The following EPM2A variants were observed in gnomAD, a reference collection of about 807,000 sequenced individuals.
EPM2A encodes laforin.
Under a neutral mutation model 26.5 loss-of-function variants are expected in EPM2A, and 21 were observed. The ratio of observed to expected loss-of-function variants is 0.79; its 90% CI spans 0.56 to 1.14. EPM2A has a LOEUF of 1.14. Ranked by LOEUF, EPM2A falls within the 50% of genes most tolerant of loss-of-function variation. EPM2A has a pLI of 0.00. For synonymous variants in EPM2A, 217 were observed against 177.6 expected (o/e 1.22, Z -1.76); for missense variants, 458 against 440.8 (o/e 1.04, Z -0.35).
chr6:145,470,213 G>A (rs1243023539), intron 4 of EPM2A, among the ~76,000 whole-genome samples: 3 of 151,988 alleles, frequency 2.0e-5, no homozygotes, highest in South Asian at 2.1e-4. Context: ...ATATGTTTGA[G>A]GTGATGGATA....
At chr6:145,632,156 A>C (rs1776310985) in intron 3 of EPM2A, 1 of 152,204 alleles carries the variant, frequency 6.6e-6, no homozygotes, top group African/African-American at 2.4e-5. Context: ...TAATGCAGGA[A>C]CTAGCCTGCC....
chr6:145,395,058 C>T (rs954749490), intron 4 of EPM2A, among the ~76,000 whole-genome samples: 2 of 152,098 alleles, frequency 1.3e-5, no homozygotes, highest in Non-Finnish European at 2.9e-5. Context: ...TTAAGTTTCA[C>T]AGACATCTAT....
chr6:145,505,173 C>T (rs1227624416), intron 2 of EPM2A, among the ~76,000 whole-genome samples: 1 of 148,264 alleles, frequency 6.7e-6, no homozygotes, highest in East Asian at 2.0e-4. Context: ...TGCAGTGCAC[C>T]AGCATGGCAC....
At chr6:145,698,944 A>G (rs1320757172) in intron 1 of EPM2A, among the ~76,000 whole-genome samples, 2 of 152,216 alleles carry the variant, frequency 1.3e-5, no homozygotes, top group African/African-American at 4.8e-5. Flanking sequence ...CATTACCAGT[A>G]ACGGAATCTG....
chr6:145,422,825 T>A (rs974741983), intron 4 of EPM2A, among the ~76,000 whole-genome samples: 1 of 152,152 alleles, frequency 6.6e-6, no homozygotes. Context: ...GAAGCCACAA[T>A]TAATCAACAA....
chr6:145,719,238 A>G (rs1185909714), intron 1 of EPM2A, among the ~76,000 whole-genome samples: 1 of 149,828 alleles, frequency 6.7e-6, no homozygotes, highest in African/African-American at 2.5e-5. Context: ...TCCAACAATG[A>G]TAGACTGGAT....
chr6:145,690,232 C>T (rs964824150), intron 1 of EPM2A, among the ~76,000 whole-genome samples: 3 of 152,114 alleles, frequency 2.0e-5, no homozygotes, highest in Admixed American at 6.5e-5. Flanking sequence ...AACCTCAGGC[C>T]GGGCACGGTG....
intron 2 of EPM2A, among the ~76,000 whole-genome samples, chr6:145,611,641 T>C (rs1343491380): frequency 6.6e-6 from 1 of 152,120 alleles, no homozygotes; most frequent in Non-Finnish European, 1.5e-5. Flanking sequence ...TGCAATTTTC[T>C]CTGGAAGAGA....
At chr6:145,653,527 A>AT (rs985252226) in intron 2 of EPM2A, among the ~76,000 whole-genome samples, 14 of 152,164 alleles carry the variant, frequency 9.2e-5, no homozygotes, top group African/African-American at 3.4e-4. Flanking sequence ...CTCAACTGTT[A>AT]TTTTTTTATC....
chr6:145,735,088 G>C (rs1347711856), intron 1 of EPM2A, 110 bp downstream of exon 1: 2 of 705,118 alleles, frequency 2.8e-6, no homozygotes, highest in Non-Finnish European at 4.1e-6. Flanking sequence ...CAAAAAGCCC[G>C]GGACGCGCGC....
chr6:145,703,108 TTC>T (rs1491403220), intron 1 of EPM2A, among the ~76,000 whole-genome samples: 2 of 47,918 alleles, frequency 4.2e-5, no homozygotes, highest in African/African-American at 2.4e-4. Flanking sequence ...TTTTTTTTTT[TTC>T]GAGACGGAGT....
At chr6:145,642,582 G>C (rs772640212) in intron 2 of EPM2A, among the ~76,000 whole-genome samples, 2 of 152,118 alleles carry the variant, frequency 1.3e-5, no homozygotes, top group Non-Finnish European at 1.5e-5. Context: ...ACATTAGATA[G>C]AATTAATTTG....
At position 145,625,679 on chromosome 6, in the gene EPM2A, A is replaced by G. The variant is rs779920055; in HGVS notation, c.*1737T>C. 1.2e-5 allele frequency: 9 copies of G among 761,268 alleles called. No homozygotes were observed. Among genetic ancestry groups the G allele is most frequent in the Non-Finnish European group, 1.7e-5 (7 of 410,934 alleles). The allele number at this position is 761,268 out of a possible 1,614,324, so 47.2% of individuals were successfully genotyped here. A position where few individuals can be genotyped will look rare whatever the true frequency, so the allele number is the denominator to read the frequency against. On this transcript the variant is annotated 3_prime_UTR_variant, in exon 4 of 4. Transcript: ENST00000367519. ...CACTTTACTTAATGCTAGCTTATAA[A>G]TTTAACTTTGTAAAATTATAGTGGA...
rs1775376985 is a variant in EPM2A, at chr6:145,610,843, C to T, written c.340+24402G>A. 2.0e-5 allele frequency among the ~76,000 whole-genome samples: 3 copies of T among 152,186 alleles called. 1 individual carries two copies. In the South Asian group the frequency reaches 6.2e-4, roughly 32 times the overall value. On this transcript the variant is annotated intron_variant, in intron 2 of 3. Coordinates refer to the EPM2A transcript ENST00000450221. ...ACTTTTGATGATCAGGACCTGAGCACTCACTGTATCCTTTTGTGTGTAAGG... is the reference window on the plus strand; with the variant it reads ...ACTTTTGATGATCAGGACCTGAGCATTCACTGTATCCTTTTGTGTGTAAGG...
intron 4 of EPM2A, among the ~76,000 whole-genome samples, chr6:145,418,677 G>C (rs1778740560): frequency 6.6e-6 from 1 of 152,244 alleles, no homozygotes; most frequent in Non-Finnish European, 1.5e-5. Flanking sequence ...CTTCTGATCA[G>C]GGTACTCCAT....
chr6:145,435,739 T>C (rs1024768605), intron 4 of EPM2A, among the ~76,000 whole-genome samples: 4 of 151,224 alleles, frequency 2.6e-5, no homozygotes, highest in African/African-American at 9.7e-5. Context: ...AATCACACAA[T>C]TTTTTTTTGT....
At chr6:145,689,725 G>A (rs1038388143) in intron 1 of EPM2A, among the ~76,000 whole-genome samples, 2 of 152,206 alleles carry the variant, frequency 1.3e-5, no homozygotes, top group African/African-American at 4.8e-5. Context: ...GCCAGCAAAG[G>A]CCAAGCATGG....
At chr6:145,719,726 T>G (rs368896771) in intron 1 of EPM2A, among the ~76,000 whole-genome samples, 1 of 152,338 alleles carries the variant, frequency 6.6e-6, no homozygotes, top group East Asian at 1.9e-4. Flanking sequence ...AAATATCTCT[T>G]AACCTCAAGG....
At chr6:145,505,075 T>C (rs905414925) in intron 2 of EPM2A, among the ~76,000 whole-genome samples, 2 of 118,768 alleles carry the variant, frequency 1.7e-5, no homozygotes, top group Non-Finnish European at 3.4e-5. Flanking sequence ...AAGGGGAATA[T>C]CACACTCTGG....
Sources: gnomAD v4.1 joint callset for allele counts (sites outside exome capture counted in the v4.1 genomes callset) on GRCh38, gnomAD v4.1.1 for gene constraint, MANE v1.5 for transcripts, NCBI Gene and HGNC (gene_info 2026-07-23, HGNC 2026-07-21) for gene names.